Variants in STAT1 observed in about 807,000 individuals in gnomAD.
STAT1 encodes signal transducer and activator of transcription 1.
In STAT1, 24 loss-of-function variants were observed where a neutral mutation model predicts 111.7. That is an observed-to-expected ratio of 0.21 (90% CI 0.16 to 0.30). The LOEUF (loss-of-function observed/expected upper bound fraction) is 0.30. Among genes scored for constraint, STAT1 ranks in the 10% least tolerant of loss-of-function variants. The pLI, the probability that STAT1 is intolerant of heterozygous loss-of-function variation, is 1.00. For missense variants in STAT1, 351 were observed against 911.9 expected, an observed-to-expected ratio of 0.38 and a Z score of 7.92; for synonymous variants, 332 against 326.5, an observed-to-expected ratio of 1.02 and a Z score of -0.18.
In STAT1 at chr2:190,970,953, A is replaced by G. The variant is rs898714325; in HGVS notation, c.2239-236T>C. Among the ~76,000 whole-genome samples, 14 of 152,220 alleles carry G rather than the reference A, an allele frequency of 9.2e-5. No homozygotes were observed. Among genetic ancestry groups the G allele is most frequent in the African/African-American group, 3.1e-4 (13 of 41,460 alleles). ...TATTACTCTGCTGCCCACTGGCTTA[A>G]TTTTGTGAATCCATCCAGACTGCAT... On this transcript the variant is annotated intron_variant, in intron 24 of 24. Transcript: ENST00000361099. The surrounding 1 kb of genome is among the most constrained non-coding windows in gnomAD (Gnocchi z 5.4).
chr2:190,997,970 G>C lies in STAT1; in HGVS notation c.671C>G (p.Thr224Ser). The change falls in exon 9 of 25, where the codon ACT (threonine) becomes AGT (serine). Residue 224 changes from threonine to serine, a missense_variant. Coordinates refer to ENST00000361099, the MANE Select transcript of STAT1 (RefSeq NM_007315.4). The surrounding 1 kb of genome is among the most constrained non-coding windows in gnomAD (Gnocchi z 7.3). ...AATCAGGGCATTCTGGGTAAGTTCA[G>C]TGACATTCAGCAACTCTATTATTTT... is the stretch of plus-strand genomic sequence containing the variant. ...VHKIIELLNV[T>S]ELTQNALIND... 1 of 1,614,236 alleles carries C rather than the reference G, an allele frequency of 6.2e-7. No homozygotes were observed. Among genetic ancestry groups the C allele is most frequent in the Non-Finnish European group, 8.5e-7 (1 of 1,180,048 alleles).
rs770435740 is a variant in STAT1 at position 190,986,594 on chromosome 2, CA to C, written c.1221+259del. Among the ~76,000 whole-genome samples, 1 of 152,170 alleles carries C rather than the reference CA, an allele frequency of 6.6e-6. No individual in the cohort carries two copies. The highest frequency in any genetic ancestry group is 1.5e-5 in the Non-Finnish European group (1 of 68,030). ...GTGGGGATCATGCAGGCAGCAAGTG[CA>C]AATCATTTACGTAAACACAGGCTTA... is the stretch of plus-strand genomic sequence containing the variant. On this transcript the variant is annotated intron_variant, in intron 14 of 24. Coordinates refer to ENST00000361099, the MANE Select transcript of STAT1 (RefSeq NM_007315.4). This position sits in a 1 kb window ranked among gnomAD's most constrained non-coding sequence, Gnocchi z 5.0.
In STAT1 at chr2:190,993,353, CT is replaced by C; in HGVS notation, c.944+1707del. 1 of 1,063,986 alleles carries C rather than the reference CT, an allele frequency of 9.4e-7. No homozygotes were observed. The highest frequency in any genetic ancestry group is 1.4e-6 in the Non-Finnish European group (1 of 705,024). 65.9% of individuals were successfully genotyped at this position (1,063,986 alleles called of 1,614,324 possible). On this transcript the variant is annotated intron_variant, in intron 10 of 24. Coordinates refer to ENST00000361099, the MANE Select transcript of STAT1 (RefSeq NM_007315.4). The surrounding 1 kb of genome is among the most constrained non-coding windows in gnomAD (Gnocchi z 4.1). ...ATAACTGGAGATGACTGTTCGAAAC[CT>C]TTCCTGTTCTGCTGTGTTCCATATT...
Position 191,006,010 on chromosome 2 carries a change from G to C in STAT1, c.372+1553C>G, listed in dbSNP as rs116295887. On this transcript the variant is annotated intron_variant, in intron 5 of 24. Transcript: ENST00000361099. This position sits in a 1 kb window ranked among gnomAD's most constrained non-coding sequence, Gnocchi z 4.6. Reference sequence around the variant, plus strand: ...TTCAAGATCCAAAGCCAGGGGATGAGGTTCATGTGGGAGAGCAGGGGTCAC... The same window carrying C: ...TTCAAGATCCAAAGCCAGGGGATGACGTTCATGTGGGAGAGCAGGGGTCAC... Among the ~76,000 whole-genome samples the C allele has an allele frequency of 3.8e-3, 576 of 152,360 alleles. 8 individuals carry two copies. Among genetic ancestry groups the C allele is most frequent in the African/African-American group, 0.013 (552 of 41,588 alleles).
At position 191,009,221 on chromosome 2, in the gene STAT1, T is replaced by A. The variant is rs1214259158; in HGVS notation, c.129-114A>T. The stretch of plus-strand genomic sequence containing the variant: ...TATTAAAAATAATTTAAGTATTTTC[T>A]TAGGTTTATTTTCTTCTTTTGAAAC... On this transcript the variant is annotated intron_variant, in intron 3 of 24. Transcript: ENST00000361099. 15 of 1,289,670 alleles carry A rather than the reference T, an allele frequency of 1.2e-5. No homozygotes were observed. The South Asian group carries it at 2.1e-4, about 18-fold the overall frequency. 79.9% of individuals were successfully genotyped at this position (1,289,670 alleles called of 1,614,324 possible). A position where few individuals can be genotyped will look rare whatever the true frequency, so the allele number is the denominator to read the frequency against.
chr2:191,006,931 T>C lies in STAT1; in HGVS notation c.372+632A>G, dbSNP rs45523638. 1.1e-4 allele frequency among the ~76,000 whole-genome samples: 16 copies of C among 152,194 alleles called. No homozygotes were observed. Among genetic ancestry groups the C allele is most frequent in the South Asian group, 6.2e-4 (3 of 4,828 alleles). On this transcript the variant is annotated intron_variant, in intron 5 of 24. Transcript: ENST00000361099. This position sits in a 1 kb window ranked among gnomAD's most constrained non-coding sequence, Gnocchi z 4.6. ...GCCTCCTTTTCTCTCCACAAACCTA[T>C]TGAGTCCTACAAAACTCCTGCCCCT...
chr2:190,997,626 A>G lies in STAT1; in HGVS notation c.785+230T>C, dbSNP rs956128944. Among the ~76,000 whole-genome samples the G allele has an allele frequency of 6.6e-6, 1 of 152,166 alleles. No individual in the cohort carries two copies. Among genetic ancestry groups the G allele is most frequent in the African/African-American group, 2.4e-5 (1 of 41,430 alleles). ...GTTTTGTACAGTCAAACGACACCCC[A>G]TGGTACAGGAGTGCTCCAAACCAAG... On this transcript the variant is annotated intron_variant, in intron 9 of 24. Transcript: ENST00000361099. The surrounding 1 kb of genome is among the most constrained non-coding windows in gnomAD (Gnocchi z 7.3).
At chr2:191,008,490 C>G (rs1454230796) in intron 4 of STAT1, among the ~76,000 whole-genome samples, 1 of 152,168 alleles carries the variant, frequency 6.6e-6, no homozygotes, top group East Asian at 1.9e-4. Flanking sequence ...AGAAGCAAGG[C>G]AAGGTGGAGT....
rs1692586415 is a variant in STAT1, at chr2:190,983,979, G to T, written c.1348-239C>A. On this transcript the variant is annotated intron_variant, in intron 16 of 24. Transcript: ENST00000361099. The surrounding 1 kb of genome is among the most constrained non-coding windows in gnomAD (Gnocchi z 5.7). ...GCTACAATAATTAATTAAGGGATAT[G>T]CAATATGAGAAGATGAAAACTGTCA... 6.6e-6 allele frequency among the ~76,000 whole-genome samples: 1 copy of T among 152,048 alleles called. No homozygotes were observed. The highest frequency in any genetic ancestry group is 6.6e-5 in the Admixed American group (1 of 15,262).
intron 10 of STAT1, 74 bp from the exon 11 acceptor site, chr2:190,991,394 A>T: frequency 7.1e-7 from 1 of 1,400,004 alleles, no homozygotes; most frequent in Non-Finnish European, 1.0e-6. Flanking sequence ...GATTTTCCTG[A>T]AAGAAAAAAG....
intron 10 of STAT1, chr2:190,992,897 C>A: frequency 3.7e-6 from 1 of 272,172 alleles, no homozygotes; most frequent in Non-Finnish European, 6.8e-6. Context: ...TCGAGCAATT[C>A]TCCTGCCTCA....
chr2:190,994,814 G>T lies in STAT1; in HGVS notation c.944+247C>A, dbSNP rs568577634. On this transcript the variant is annotated intron_variant, in intron 10 of 24. Coordinates refer to ENST00000361099, the MANE Select transcript of STAT1 (RefSeq NM_007315.4). Reference sequence around the variant, plus strand: ...GCCTGTAGTCCCAGCTACTTGGGAGGCTGAGGCAGGAGGATTGCTTGAACT... The same window carrying T: ...GCCTGTAGTCCCAGCTACTTGGGAGTCTGAGGCAGGAGGATTGCTTGAACT... 2.0e-5 allele frequency among the ~76,000 whole-genome samples: 3 copies of T among 151,500 alleles called. No individual in the cohort carries two copies. The East Asian group carries it at 5.9e-4, about 30-fold the overall frequency.
chr2:191,004,092 A>G lies in STAT1; in HGVS notation c.373-2929T>C, dbSNP rs936566835. Reference sequence around the variant, plus strand: ...TCCAACTTGGGCAGTAGTCCCTCCAAGTCACTCAAACCCTTGGTGCTCTCT... The same window carrying G: ...TCCAACTTGGGCAGTAGTCCCTCCAGGTCACTCAAACCCTTGGTGCTCTCT... On this transcript the variant is annotated intron_variant, in intron 5 of 24. Transcript: ENST00000361099. The surrounding 1 kb of genome is among the most constrained non-coding windows in gnomAD (Gnocchi z 5.0). Among the ~76,000 whole-genome samples the G allele has an allele frequency of 6.6e-6, 1 of 152,172 alleles. No individual in the cohort carries two copies. The highest frequency in any genetic ancestry group is 2.4e-5 in the African/African-American group (1 of 41,428).
Position 190,979,061 on chromosome 2 carries a change from G to A in STAT1, c.1728-60C>T. 1 of 1,606,238 alleles carries A rather than the reference G, an allele frequency of 6.2e-7. No homozygotes were observed. The highest frequency in any genetic ancestry group is 8.5e-7 in the Non-Finnish European group (1 of 1,174,782). On this transcript the variant is annotated intron_variant, in intron 20 of 24. Coordinates refer to ENST00000361099, the MANE Select transcript of STAT1 (RefSeq NM_007315.4). This position sits in a 1 kb window ranked among gnomAD's most constrained non-coding sequence, Gnocchi z 5.8. ...GTTCAATCATGATTTCCATTTTCAT[G>A]CTAACTTACAAACCAAGAAAATGGC...
In STAT1 at chr2:190,999,726, T is replaced by A. The variant is rs147367887; in HGVS notation, c.463-22A>T. ...TACACTACAAACAAAGATGTAAACA[T>A]GTTTTCTACTGATCAGCAACTTCCA... is the stretch of plus-strand genomic sequence containing the variant. On this transcript the variant is annotated intron_variant, in intron 6 of 24. Transcript: ENST00000361099. The surrounding 1 kb of genome is among the most constrained non-coding windows in gnomAD (Gnocchi z 4.1). 1 of 1,560,564 alleles carries A rather than the reference T, an allele frequency of 6.4e-7. No homozygotes were observed. The highest frequency in any genetic ancestry group is 8.8e-7 in the Non-Finnish European group (1 of 1,131,994).
chr2:190,979,725 G>A lies in STAT1; in HGVS notation c.1727+47C>T, dbSNP rs779707909. 16 of 1,464,896 alleles carry A rather than the reference G, an allele frequency of 1.1e-5. No individual in the cohort carries two copies. The highest frequency in any genetic ancestry group is 1.5e-5 in the Non-Finnish European group (16 of 1,044,298). 90.7% of individuals were successfully genotyped at this position (1,464,896 alleles called of 1,614,324 possible). A position where few individuals can be genotyped will look rare whatever the true frequency, so the allele number is the denominator to read the frequency against. On this transcript the variant is annotated intron_variant, in intron 20 of 24. Transcript: ENST00000361099. This position sits in a 1 kb window ranked among gnomAD's most constrained non-coding sequence, Gnocchi z 5.8. ...TGGACTCAGGCCTTGTCTCAACCTC[G>A]CAGCACTAAAAATATGTTTCAAAAT... is the stretch of plus-strand genomic sequence containing the variant.
rs1692574101 is a variant in STAT1 at position 190,983,842 on chromosome 2, G to T, written c.1348-102C>A. 1 of 983,762 alleles carries T rather than the reference G, an allele frequency of 1.0e-6. No individual in the cohort carries two copies. Among genetic ancestry groups the T allele is most frequent in the East Asian group, 2.5e-5 (1 of 40,018 alleles). The allele number at this position is 983,762 out of a possible 1,614,324, so 60.9% of individuals were successfully genotyped here. Reference sequence around the variant, plus strand: ...AAAGCAGGGGATTATTTGTAAATTTGTACATATTTAATACTTGAAAATGAG... The same window carrying T: ...AAAGCAGGGGATTATTTGTAAATTTTTACATATTTAATACTTGAAAATGAG... On this transcript the variant is annotated intron_variant, in intron 16 of 24. Coordinates refer to ENST00000361099, the MANE Select transcript of STAT1 (RefSeq NM_007315.4). This position sits in a 1 kb window ranked among gnomAD's most constrained non-coding sequence, Gnocchi z 5.7.
At position 190,980,477 on chromosome 2, in the gene STAT1, A is replaced by G; in HGVS notation, c.1632+143T>C. 1.0e-6 allele frequency: 1 copy of G among 953,384 alleles called. No homozygotes were observed. Among genetic ancestry groups the G allele is most frequent in the Non-Finnish European group, 1.7e-6 (1 of 599,218 alleles). The allele number at this position is 953,384 out of a possible 1,614,324, so 59.1% of individuals were successfully genotyped here. ...AACCTCCTGCACTGAAGAAAAGTAA[A>G]CAACTTGCCCGAGGGGCTCCTTGGC... On this transcript the variant is annotated intron_variant, in intron 19 of 24. Coordinates refer to ENST00000361099, the MANE Select transcript of STAT1 (RefSeq NM_007315.4). This position sits in a 1 kb window ranked among gnomAD's most constrained non-coding sequence, Gnocchi z 6.1.
rs185806854 is a variant in STAT1, at chr2:190,973,579, T to C, written c.2238+1251A>G. ...CCCCCATTTTACAGTTCCTGTGATG[T>C]AACATATTTTCTGAATAGGGCTTTA... On this transcript the variant is annotated intron_variant, in intron 24 of 24. Transcript: ENST00000361099. The surrounding 1 kb of genome is among the most constrained non-coding windows in gnomAD (Gnocchi z 4.4). Among the ~76,000 whole-genome samples, 1 of 152,298 alleles carries C rather than the reference T, an allele frequency of 6.6e-6. No homozygotes were observed. Among genetic ancestry groups the C allele is most frequent in the Admixed American group, 6.5e-5 (1 of 15,302 alleles).
Sources: allele counts gnomAD v4.1 joint callset (sites outside exome capture counted in the v4.1 genomes callset), GRCh38; gene constraint gnomAD v4.1.1; non-coding constraint Gnocchi (gnomAD v3.1); transcripts MANE v1.5; gene names NCBI Gene and HGNC (gene_info 2026-07-23, HGNC 2026-07-21).